Variants in STOX1 observed in about 807,000 individuals in gnomAD.
STOX1 encodes storkhead box 1.
A neutral mutation model predicts 74.8 loss-of-function variants in STOX1; 57 were observed. That is an observed-to-expected ratio of 0.76 (90% confidence interval 0.62 to 0.95). The LOEUF (loss-of-function observed/expected upper bound fraction) is 0.95, where lower values mean the gene tolerates loss of function less well. Ranked by LOEUF, STOX1 falls within the 40% of genes least tolerant of loss-of-function variation. The pLI is 0.00. For synonymous variants in STOX1, 375 were observed against 401.3 expected (o/e 0.93, Z 0.78); for missense variants, 1,010 against 1,117.0 (o/e 0.90, Z 1.37).
chr10:68,839,100 T>G (rs925043509), intron 1 of STOX1, among the ~76,000 whole-genome samples: 1 of 152,216 alleles, frequency 6.6e-6, no homozygotes, highest in African/African-American at 2.4e-5. Flanking sequence ...TAAATGTTCA[T>G]GCTACCCAAA....
chr10:68,845,519 C>A (rs1839818999), intron 1 of STOX1, among the ~76,000 whole-genome samples: 1 of 151,920 alleles, frequency 6.6e-6, no homozygotes, highest in African/African-American at 2.4e-5. Context: ...CGTGATCCAC[C>A]TGCCTCGGCC....
chr10:68,866,743 C>T (rs956023389), intron 1 of STOX1, among the ~76,000 whole-genome samples: 12 of 152,192 alleles, frequency 7.9e-5, no homozygotes, highest in Non-Finnish European at 1.5e-4. Context: ...GGCACACTCA[C>T]AGCCCTGGTG....
Position 68,884,815 on chromosome 10 carries a change from A to C in STOX1, c.1019A>C (p.Glu340Ala). ...HSSFSAQFPP[E>A]EWPVRDEDDL... ...AGTTTCTCTGCTCAGTTCCCACCTG[A>C]AGAATGGCCCGTCCGAGATGAAGAT... The change falls in exon 3 of 4, where the codon GAA (glutamate) becomes GCA (alanine). Residue 340 changes from glutamate (E) to alanine (A), a missense_variant. Glu to Ala is a moderately radical substitution (Grantham distance 107). Transcript: ENST00000298596. The C allele has an allele frequency of 1.2e-6, 2 of 1,614,216 alleles. No individual in the cohort carries two copies. Among genetic ancestry groups the C allele is most frequent in the Non-Finnish European group, 1.7e-6 (2 of 1,180,044 alleles).
intron 1 of STOX1, among the ~76,000 whole-genome samples, chr10:68,876,214 A>G (rs1484098491): frequency 2.0e-5 from 3 of 151,264 alleles, no homozygotes; most frequent in African/African-American, 7.3e-5. Context: ...CTGTAGTGCA[A>G]TGGCGCGATC....
chr10:68,885,778 A>G lies in STOX1; in HGVS notation c.1982A>G (p.Asn661Ser). ...RTPSACRLVD[N>S]TIHQFQNLGL... is the part of the protein sequence containing the mutation. ...CCCTCTGCTTGTAGATTAGTGGATAACACAATACACCAGTTTCAAAATCTT... is the reference window on the plus strand; with the variant it reads ...CCCTCTGCTTGTAGATTAGTGGATAGCACAATACACCAGTTTCAAAATCTT... The change falls in exon 3 of 4, where the codon AAC (asparagine) becomes AGC (serine). Residue 661 changes from asparagine (N) to serine (S), a missense_variant. Transcript: ENST00000298596. 2 of 1,614,078 alleles carry G rather than the reference A, an allele frequency of 1.2e-6. No individual in the cohort carries two copies. The highest frequency in any genetic ancestry group is 1.7e-6 in the Non-Finnish European group (2 of 1,180,034).
chr10:68,840,621 T>C (rs971799885), intron 1 of STOX1, among the ~76,000 whole-genome samples: 15 of 152,082 alleles, frequency 9.9e-5, no homozygotes, highest in Admixed American at 8.5e-4. Context: ...AGTGCACTGG[T>C]GTGATCTTGG....
chr10:68,853,403 A>G (rs1251603918), intron 1 of STOX1, among the ~76,000 whole-genome samples: 2 of 152,122 alleles, frequency 1.3e-5, no homozygotes, highest in Non-Finnish European at 2.9e-5. Context: ...AACAAATCTC[A>G]TTTACCATAA....
intron 3 of STOX1, among the ~76,000 whole-genome samples, chr10:68,888,249 C>T (rs144239759): frequency 0.022 from 3,284 of 151,946 alleles, 55 homozygotes; most frequent in Non-Finnish European, 0.034. Flanking sequence ...TACAGGTGCC[C>T]GCCACCACGC....
At chr10:68,883,912 T>G (rs573377523) in intron 2 of STOX1, among the ~76,000 whole-genome samples, 2 of 150,838 alleles carry the variant, frequency 1.3e-5, no homozygotes, top group African/African-American at 4.9e-5. Flanking sequence ...TTTGTAGAGA[T>G]GAAGTCTTGC....
rs376086582 is a variant in STOX1 at position 68,885,912 on chromosome 10, A to G, written c.2116A>G (p.Thr706Ala). Residue 706 changes from threonine to alanine, a missense_variant, in exon 3 of 4, where the codon ACA becomes GCA. By Grantham distance (58) the Thr-to-Ala change is moderately conservative. Coordinates refer to ENST00000298596, the MANE Select transcript of STOX1 (RefSeq NM_152709.5). Reference sequence around the variant, plus strand: ...AGGATTTGTCCAGGATGCAGAGACTACAAGCCTAGAAAATGAACAGCTTTC... The same window carrying G: ...AGGATTTGTCCAGGATGCAGAGACTGCAAGCCTAGAAAATGAACAGCTTTC... ...RKGFVQDAET[T>A]SLENEQLSND... The G allele has an allele frequency of 6.2e-6, 10 of 1,614,094 alleles. No homozygotes were observed. In the African/African-American group the frequency reaches 8.0e-5, roughly 13 times the overall value.
At chr10:68,866,694 C>T (rs866417834) in intron 1 of STOX1, among the ~76,000 whole-genome samples, 1 of 152,170 alleles carries the variant, frequency 6.6e-6, no homozygotes, top group Non-Finnish European at 1.5e-5. Context: ...TGGCAGGGGT[C>T]CGCAGGCTCC....
Position 68,884,880 on chromosome 10 carries a change from A to G in STOX1, c.1084A>G (p.Ile362Val). ...NIPRDVEHEI[I>V]KRINPILTVD... ...CCCTCGAGATGTTGAACATGAGATA[A>G]TCAAACGAATTAACCCCATTTTGAC... The change falls in exon 3 of 4, where the codon ATC (isoleucine) becomes GTC (valine). Residue 362 changes from isoleucine to valine, a missense_variant. Ile to Val is a conservative substitution (Grantham distance 29). Transcript: ENST00000298596. 6.2e-7 allele frequency: 1 copy of G among 1,614,022 alleles called. No individual in the cohort carries two copies. Among genetic ancestry groups the G allele is most frequent in the South Asian group, 1.1e-5 (1 of 91,072 alleles).
intron 1 of STOX1, among the ~76,000 whole-genome samples, chr10:68,866,005 C>T (rs1370939445): frequency 6.6e-6 from 1 of 152,004 alleles, no homozygotes; most frequent in Non-Finnish European, 1.5e-5. Flanking sequence ...TGTCTTTCTG[C>T]TTGAAGTGGT....
chr10:68,885,092 A>G lies in STOX1; in HGVS notation c.1296A>G (p.Arg432=). 6.2e-7 allele frequency: 1 copy of G among 1,613,560 alleles called. No homozygotes were observed. The highest frequency in any genetic ancestry group is 8.5e-7 in the Non-Finnish European group (1 of 1,179,700). The change falls in exon 3 of 4, where the codon AGA becomes AGG. Residue 432 remains arginine (R), a synonymous_variant. Coordinates refer to ENST00000298596, the MANE Select transcript of STOX1 (RefSeq NM_152709.5). ...PQGQGHSRRD[R]HKARNQGSEF... ...GGCAGGGCCATTCTCGAAGGGATAG[A>G]CACAAAGCCAGGAATCAGGGAAGTG...
At chr10:68,860,271 G>GA (rs1211926413) in intron 1 of STOX1, among the ~76,000 whole-genome samples, 1 of 150,744 alleles carries the variant, frequency 6.6e-6, no homozygotes, top group Non-Finnish European at 1.5e-5. Flanking sequence ...CTGTCTCGGT[G>GA]GGGGAAAGAG....
intron 1 of STOX1, among the ~76,000 whole-genome samples, chr10:68,863,033 G>A (rs1840297835): frequency 6.6e-6 from 1 of 152,094 alleles, no homozygotes; most frequent in Non-Finnish European, 1.5e-5. Flanking sequence ...TAGCAAGGGG[G>A]TAGGCAACTA....
chr10:68,866,336 T>C (rs1840404142), intron 1 of STOX1, among the ~76,000 whole-genome samples: 1 of 152,170 alleles, frequency 6.6e-6, no homozygotes, highest in South Asian at 2.1e-4. Context: ...GAGAAATGAT[T>C]GAAATGTCTG....
intron 1 of STOX1, among the ~76,000 whole-genome samples, chr10:68,880,131 CTTCTT>C (rs980710386): frequency 2.0e-5 from 3 of 146,698 alleles, no homozygotes; most frequent in Admixed American, 6.8e-5. Flanking sequence ...TAATTTCTGT[CTTCTT>C]TTCTACTGAA....
At chr10:68,874,673 A>AC (rs1354486451) in intron 1 of STOX1, among the ~76,000 whole-genome samples, 2 of 85,972 alleles carry the variant, frequency 2.3e-5, no homozygotes, top group Admixed American at 1.3e-4. Context: ...AAAAAAAAAA[A>AC]AAAAAAAAAA....
Sources: allele counts gnomAD v4.1 joint callset (sites outside exome capture counted in the v4.1 genomes callset), GRCh38; gene constraint gnomAD v4.1.1; transcripts MANE v1.5; gene names NCBI Gene and HGNC (gene_info 2026-07-23, HGNC 2026-07-21).